MROH7: variants seen among roughly 807,000 people sequenced by gnomAD.
MROH7 encodes the protein maestro heat like repeat family member 7, also known as maestro heat-like repeat-containing protein family member 7.
In MROH7, 113 loss-of-function variants were observed where a neutral mutation model predicts 129.2. That is an observed-to-expected ratio of 0.87 (90% confidence interval 0.75 to 1.02). The LOEUF is 1.02. MROH7 is among the 50% of genes least tolerant of loss of function. MROH7 has a pLI of 0.00. For synonymous variants in MROH7, 655 were observed against 667.9 expected (o/e 0.98, Z 0.30); for missense variants, 1,601 against 1,671.3 (o/e 0.96, Z 0.73).
At position 54,708,877 on chromosome 1, in the gene MROH7, A is replaced by G. The variant is rs1032436829; in HGVS notation, c.3668-137A>G. ...CTTGGGGAATCTGTCCCAGGGTCCA[A>G]ATGAAGTTTTGTGTTCTCATGTGTG... On this transcript the variant is annotated intron_variant, in intron 22 of 23. Transcript: ENST00000421030. 2.3e-5 allele frequency: 17 copies of G among 750,246 alleles called. No individual in the cohort carries two copies. The African/African-American group carries it at 2.4e-4, about 11-fold the overall frequency. 46.5% of individuals were successfully genotyped at this position (750,246 alleles called of 1,614,324 possible).
intron 15 of MROH7, among the ~76,000 whole-genome samples, chr1:54,689,855 A>T (rs968066598): frequency 2.6e-5 from 4 of 152,186 alleles, no homozygotes; most frequent in Admixed American, 6.5e-5. Context: ...CCAAAAAAAT[A>T]AAAAATTAGC....
At chr1:54,648,170 C>T (rs768236647) in intron 1 of MROH7, among the ~76,000 whole-genome samples, 8 of 151,714 alleles carry the variant, frequency 5.3e-5, no homozygotes, top group Admixed American at 3.3e-4. Context: ...AGACGTGAGC[C>T]GCCATGCCCT....
rs1645031664 is a variant in MROH7 at position 54,679,369 on chromosome 1, T to C, written c.2156T>C (p.Met719Thr). ...GCTCCAGGGAAGGACTCCAGGGAGA[T>C]GATGCAGCTGGCCTCGGAGGTCATG... Reference protein sequence around the residue: ...SEAPGKDSREMMQLASEVMLS... With the variant: ...SEAPGKDSRETMQLASEVMLS... The change falls in exon 12 of 24, where the codon ATG (methionine) becomes ACG (threonine). Residue 719 changes from methionine (M) to threonine (T), a missense_variant. Physicochemically the swap from Met to Thr is moderately conservative, Grantham distance 81 (BLOSUM62 -1). Transcript: ENST00000421030. 6.2e-7 allele frequency: 1 copy of C among 1,614,074 alleles called. No homozygotes were observed. Among genetic ancestry groups the C allele is most frequent in the Middle Eastern group, 1.6e-4 (1 of 6,062 alleles).
chr1:54,676,529 C>A (rs958783250), intron 10 of MROH7, among the ~76,000 whole-genome samples: 11 of 152,094 alleles, frequency 7.2e-5, no homozygotes, highest in Admixed American at 3.3e-4. Flanking sequence ...CCTGCCTCAG[C>A]CTCCCGAGTA....
At chr1:54,690,579 G>T (rs1645219648) in intron 15 of MROH7, among the ~76,000 whole-genome samples, 1 of 151,780 alleles carries the variant, frequency 6.6e-6, no homozygotes, top group Non-Finnish European at 1.5e-5. Flanking sequence ...GAGTAGCTGG[G>T]ACTACAGGCG....
In MROH7 at chr1:54,706,301, G is replaced by A. The variant is rs41301249; in HGVS notation, c.3565-134G>A. The A allele has an allele frequency of 3.4e-3, 2,282 of 677,896 alleles. 10 individuals are homozygous for A. The highest frequency in any genetic ancestry group is 3.9e-3 in the Non-Finnish European group (1,480 of 378,692). 42.0% of individuals were successfully genotyped at this position (677,896 alleles called of 1,614,324 possible). A position where few individuals can be genotyped will look rare whatever the true frequency, so the allele number is the denominator to read the frequency against. ...AAGAGGAGATAAGCCCTGGCCTGTGGGGGACTCATGCAGAGGGAGCAGATA... is the reference window on the plus strand; with the variant it reads ...AAGAGGAGATAAGCCCTGGCCTGTGAGGGACTCATGCAGAGGGAGCAGATA... On this transcript the variant is annotated intron_variant, in intron 21 of 23. Coordinates refer to ENST00000421030, the MANE Select transcript of MROH7 (RefSeq NM_001039464.4).
At chr1:54,670,703 C>T in intron 6 of MROH7, 97 bp from the exon 7 acceptor site, 1 of 1,487,956 alleles carries the variant, frequency 6.7e-7, no homozygotes, top group Non-Finnish European at 9.1e-7. Context: ...CTTTTCCCCT[C>T]CCCTTGCCCA....
intron 16 of MROH7, among the ~76,000 whole-genome samples, chr1:54,694,901 C>T (rs1303274966): frequency 6.6e-6 from 1 of 152,192 alleles, no homozygotes; most frequent in Non-Finnish European, 1.5e-5. Context: ...TCCAGCTCGG[C>T]CATTTTCTAG....
chr1:54,648,473 C>A (rs1644506221), intron 1 of MROH7, among the ~76,000 whole-genome samples: 1 of 151,966 alleles, frequency 6.6e-6, no homozygotes, highest in Admixed American at 6.6e-5. Context: ...TCAAGCAACT[C>A]TCCTGCCTCA....
At chr1:54,670,687 C>CCCGG in intron 6 of MROH7, 111 bp downstream of exon 6, 2 of 1,411,656 alleles carry the variant, frequency 1.4e-6, no homozygotes, top group Non-Finnish European at 1.9e-6. Context: ...ACCCCTCGCC[C>CCCGG]GGTGCCTTTT....
intron 11 of MROH7, 31 bp downstream of exon 11, chr1:54,678,885 G>A (rs1159331742): frequency 3.9e-6 from 6 of 1,550,942 alleles, no homozygotes; most frequent in Non-Finnish European, 4.5e-6. Flanking sequence ...CAGGAGCGGA[G>A]GGTGGGGGGT....
chr1:54,695,262 GGAATCCAGGTGATCCTGGCTTAC>G, intron 16 of MROH7, 91 bp from the exon 17 acceptor site: 3 of 633,372 alleles, frequency 4.7e-6, no homozygotes, highest in Non-Finnish European at 8.6e-6. Context: ...TGGGAACGCA[GGAATCCAGGTGATCCTGGCTTAC>G]CCAGGATTTC....
At chr1:54,699,852 T>C (rs747408333) in intron 17 of MROH7, 18 of 487,688 alleles carry the variant, frequency 3.7e-5, no homozygotes, top group Non-Finnish European at 5.8e-5. Context: ...CCAGGGGCAG[T>C]GTCAAGCCTA....
At chr1:54,693,169 C>T (rs1005188285) in intron 16 of MROH7, among the ~76,000 whole-genome samples, 1 of 152,176 alleles carries the variant, frequency 6.6e-6, no homozygotes, top group African/African-American at 2.4e-5. Context: ...CAGTTATCAA[C>T]AATGCGTTTC....
chr1:54,653,257 G>C lies in MROH7; in HGVS notation c.331G>C (p.Asp111His). ...SGEALDLDSK[D>H]VSRPDSQGRL... is the part of the protein sequence containing the mutation. ...TGAAGCCCTGGACCTGGATTCCAAG[G>C]ATGTCTCAAGGCCTGACTCACAGGG... Residue 111 changes from aspartate to histidine, a missense_variant, in exon 3 of 24, where the codon GAT becomes CAT. Asp to His is a moderately conservative substitution (Grantham distance 81). Transcript: ENST00000421030. 6.2e-7 allele frequency: 1 copy of C among 1,614,132 alleles called. No individual in the cohort carries two copies. Among genetic ancestry groups the C allele is most frequent in the Non-Finnish European group, 8.5e-7 (1 of 1,180,032 alleles).
At chr1:54,669,860 C>T (rs72903897) in intron 5 of MROH7, among the ~76,000 whole-genome samples, 55 of 152,022 alleles carry the variant, frequency 3.6e-4, no homozygotes, top group Admixed American at 4.6e-4. Flanking sequence ...AAAGCTTAGC[C>T]GGACATGGTG....
At chr1:54,672,945 C>A in intron 7 of MROH7, 146 bp from the exon 8 acceptor site, 2 of 612,490 alleles carry the variant, frequency 3.3e-6, no homozygotes, top group Non-Finnish European at 3.0e-6. Flanking sequence ...CAACATTACA[C>A]ATCAAGTTAG....
Position 54,653,875 on chromosome 1 carries a change from C to T in MROH7, c.949C>T (p.Pro317Ser). The part of the protein sequence containing the change: ...GISLHSSTHE[P>S]NSTISPPSCM... ...CAGCCTGCACTCCAGCACCCATGAGCCCAACTCCACCATCTCTCCACCCTC... is the reference window on the plus strand; with the variant it reads ...CAGCCTGCACTCCAGCACCCATGAGTCCAACTCCACCATCTCTCCACCCTC... The change falls in exon 3 of 24, where the codon CCC (proline) becomes TCC (serine). Residue 317 changes from proline to serine, a missense_variant. Transcript: ENST00000421030. 3 of 1,614,028 alleles carry T rather than the reference C, an allele frequency of 1.9e-6. No homozygotes were observed. Among genetic ancestry groups the T allele is most frequent in the Non-Finnish European group, 2.5e-6 (3 of 1,179,952 alleles).
rs1553171852 is a variant in MROH7 at position 54,670,878 on chromosome 1, C to G, written c.1548C>G (p.Pro516=). The G allele has an allele frequency of 8.1e-6, 13 of 1,612,956 alleles. No homozygotes were observed. The South Asian group carries it at 1.4e-4, about 18-fold the overall frequency. Residue 516 remains proline, a synonymous_variant, in exon 7 of 24, where the codon CCC becomes CCG. Transcript: ENST00000421030. The part of the protein sequence containing the change: ...NVCVHSVFSL[P]SVQAMQEKDE... Reference sequence around the variant, plus strand: ...GTGTGCACAGCGTGTTCTCCCTGCCCTCCGTGCAGGCGATGCAGGAGAAGG... The same window carrying G: ...GTGTGCACAGCGTGTTCTCCCTGCCGTCCGTGCAGGCGATGCAGGAGAAGG...
Sources: allele counts gnomAD v4.1 joint callset (sites outside exome capture counted in the v4.1 genomes callset), GRCh38; gene constraint gnomAD v4.1.1; transcripts MANE v1.5; gene names NCBI Gene and HGNC (gene_info 2026-07-23, HGNC 2026-07-21).